MAOB: variants seen among roughly 807,000 people sequenced by gnomAD.
MAOB encodes the protein monoamine oxidase B.
Under a neutral mutation model 41.9 loss-of-function variants are expected in MAOB, and 15 were observed. The ratio of observed to expected loss-of-function variants is 0.36; its 90% confidence interval spans 0.24 to 0.55. MAOB has a LOEUF of 0.55. MAOB is among the 20% of genes least tolerant of loss of function. The probability of loss-of-function intolerance (pLI) is 0.86; values close to 1 mark genes in which losing one functional copy is unlikely to be tolerated. For missense variants in MAOB, 345 were observed against 398.7 expected (o/e 0.87, Z 1.15); for synonymous variants, 167 against 144.2 (o/e 1.16, Z -1.13).
chrX:43,798,929 G>A (rs1452065178), intron 5 of MAOB, among the ~76,000 whole-genome samples: 1 of 111,345 alleles, frequency 9.0e-6, no homozygotes, highest in Non-Finnish European at 1.9e-5. Context: ...AATATATAAC[G>A]ACACAACTTC....
chrX:43,818,737 T>C (rs1345211488), intron 3 of MAOB, among the ~76,000 whole-genome samples: 2 of 112,119 alleles, frequency 1.8e-5, no homozygotes, highest in Non-Finnish European at 3.8e-5. Context: ...TACTAACACT[T>C]AAACAAAATG....
chrX:43,791,422 T>A (rs964052511), intron 8 of MAOB, among the ~76,000 whole-genome samples: 1 of 111,774 alleles, frequency 8.9e-6, no homozygotes, highest in Non-Finnish European at 1.9e-5. Flanking sequence ...ATGACAAGAT[T>A]CTAGCGTTGT....
intron 3 of MAOB, among the ~76,000 whole-genome samples, chrX:43,835,358 G>A (rs2035060400): frequency 8.9e-6 from 1 of 112,176 alleles, no homozygotes; most frequent in Admixed American, 9.5e-5. Context: ...AAAAATCTCA[G>A]TAGATGTTTA....
intron 4 of MAOB, 51 bp downstream of exon 4, chrX:43,803,249 G>C: frequency 1.9e-6 from 2 of 1,045,531 alleles, no homozygotes; most frequent in South Asian, 5.4e-5. Context: ...TTTCTTTGAA[G>C]GATGAAACTT....
At chrX:43,797,793 C>T (rs780045763) in intron 5 of MAOB, among the ~76,000 whole-genome samples, 98 of 111,994 alleles carry the variant, frequency 8.8e-4, no homozygotes, top group African/African-American at 3.0e-3. Flanking sequence ...GGTATCTGTT[C>T]ACCACACTCA....
At position 43,779,302 on chromosome X, in the gene MAOB, C is replaced by T. The variant is rs112864819; in HGVS notation, c.1080-563G>A. ...AATAAAATGGCACTGGGACAAATAG[C>T]TGCTCGTGAAAGAAATAAAGTAGGA... On this transcript the variant is annotated intron_variant, in intron 10 of 14. Coordinates refer to ENST00000378069, the MANE Select transcript of MAOB (RefSeq NM_000898.5). Among the ~76,000 whole-genome samples, 335 of 111,945 alleles carry T rather than the reference C, an allele frequency of 3.0e-3. 1 individual carries two copies. The highest frequency in any genetic ancestry group is 0.01 in the African/African-American group (323 of 30,821).
intron 3 of MAOB, among the ~76,000 whole-genome samples, chrX:43,827,099 T>A (rs2034958442): frequency 8.9e-6 from 1 of 112,120 alleles, no homozygotes; most frequent in African/African-American, 3.2e-5. Context: ...CTCTGGCATC[T>A]CTGAGGAGGT....
rs2034319198 is a variant in MAOB, at chrX:43,780,540, GT to G, written c.1026-146del. ...TACACTAGCTTTTCTTACGTTCAAA[GT>G]TTTATGATTTACATATCAAATTTCT... On this transcript the variant is annotated intron_variant, in intron 9 of 14. Transcript: ENST00000378069. The G allele has an allele frequency of 1.5e-5, 6 of 390,109 alleles. No homozygotes were observed. The East Asian group carries it at 2.4e-4, about 15-fold the overall frequency. The allele number at this position is 390,109 out of a possible 1,213,427, so 32.1% of individuals were successfully genotyped here. A position where few individuals can be genotyped will look rare whatever the true frequency, so the allele number is the denominator to read the frequency against.
chrX:43,816,837 G>A (rs2034820481), intron 3 of MAOB, among the ~76,000 whole-genome samples: 2 of 111,785 alleles, frequency 1.8e-5, no homozygotes, highest in Admixed American at 1.9e-4. Context: ...AGGTGACATA[G>A]GCATTGCTGA....
chrX:43,817,653 G>A (rs898516981), intron 3 of MAOB, among the ~76,000 whole-genome samples: 1 of 111,357 alleles, frequency 9.0e-6, no homozygotes, highest in Admixed American at 9.6e-5. Flanking sequence ...CACGGCTTTT[G>A]TACTTCTCTT....
intron 1 of MAOB, among the ~76,000 whole-genome samples, chrX:43,847,448 G>T (rs954640842): frequency 7.2e-5 from 8 of 111,481 alleles, no homozygotes; most frequent in Non-Finnish European, 1.1e-4. Flanking sequence ...AAGCTCAACT[G>T]ATCCTTACCA....
At chrX:43,770,313 A>C (rs886726921) in intron 12 of MAOB, among the ~76,000 whole-genome samples, 8 of 111,162 alleles carry the variant, frequency 7.2e-5, no homozygotes, top group African/African-American at 2.6e-4. Context: ...TGAGGCCTTC[A>C]CTGGAACTGC....
rs765281316 is a variant in MAOB at position 43,775,054 on chromosome X, TG to T, written c.1235+120del. 8.7e-4 allele frequency: 696 copies of T among 802,242 alleles called. 2 individuals are homozygous for T. Among genetic ancestry groups the T allele is most frequent in the African/African-American group, 6.9e-3 (270 of 38,894 alleles). 66.1% of individuals were successfully genotyped at this position (802,242 alleles called of 1,213,427 possible). ...TCATAAGATACAAAGGAAATTGGGTTGTTTTTTTTTTTTTTTTTTGTATTTA... is the reference window on the plus strand; with the variant it reads ...TCATAAGATACAAAGGAAATTGGGTTTTTTTTTTTTTTTTTTTTGTATTTA... On this transcript the variant is annotated intron_variant, in intron 12 of 14. Coordinates refer to ENST00000378069, the MANE Select transcript of MAOB (RefSeq NM_000898.5).
Position 43,809,947 on chromosome X carries a change from G to A in MAOB, c.280-6543C>T, listed in dbSNP as rs111937373. Among the ~76,000 whole-genome samples the A allele has an allele frequency of 2.9e-3, 320 of 109,487 alleles. 3 individuals carry two copies. Among genetic ancestry groups the A allele is most frequent in the African/African-American group, 1.0e-2 (288 of 28,841 alleles). ...GATTGGGATCTCATAGCTCATGAGT[G>A]AAAGCTATTGGAAGGGCCGGGCGCG... On this transcript the variant is annotated intron_variant, in intron 3 of 14. Transcript: ENST00000378069.
At chrX:43,809,690 C>T (rs892203248) in intron 3 of MAOB, among the ~76,000 whole-genome samples, 3 of 111,729 alleles carry the variant, frequency 2.7e-5, no homozygotes, top group Non-Finnish European at 3.8e-5. Context: ...TGGAAACATT[C>T]CAGTGATTAT....
intron 1 of MAOB, among the ~76,000 whole-genome samples, chrX:43,879,054 C>T (rs1003300673): frequency 9.0e-6 from 1 of 111,721 alleles, no homozygotes; most frequent in African/African-American, 3.3e-5. Context: ...TTCCACCCAC[C>T]CAAACACTAA....
At chrX:43,870,399 T>C (rs1017658554) in intron 1 of MAOB, among the ~76,000 whole-genome samples, 1 of 109,419 alleles carries the variant, frequency 9.1e-6, no homozygotes, top group Non-Finnish European at 1.9e-5. Context: ...CCTCTACCTT[T>C]CACCCTTACT....
intron 3 of MAOB, among the ~76,000 whole-genome samples, chrX:43,808,682 ATC>A (rs1569218478): frequency 2.2e-4 from 22 of 101,102 alleles, no homozygotes; most frequent in South Asian, 1.3e-3. Context: ...CTATATCTAT[ATC>A]TATATCTACA....
chrX:43,793,394 GT>G, intron 8 of MAOB, 24 bp downstream of exon 8: 1 of 1,122,592 alleles, frequency 8.9e-7, no homozygotes, highest in Non-Finnish European at 1.2e-6. Context: ...TCTTCTAAAG[GT>G]TTTTATATAA....
Sources: gnomAD v4.1 joint callset for allele counts (sites outside exome capture counted in the v4.1 genomes callset) on GRCh38, gnomAD v4.1.1 for gene constraint, MANE v1.5 for transcripts, NCBI Gene and HGNC (gene_info 2026-07-23, HGNC 2026-07-21) for gene names.